The following POP1 variants were observed in gnomAD, a reference collection of about 807,000 sequenced individuals.
POP1 encodes the protein POP1 ribonuclease P/MRP subunit, also known as ribonucleases P/MRP protein subunit POP1.
Under a neutral mutation model 102.2 loss-of-function variants are expected in POP1, and 75 were observed. The ratio of observed to expected loss-of-function variants is 0.73; its 90% CI spans 0.61 to 0.89. The LOEUF (loss-of-function observed/expected upper bound fraction) is 0.89, where lower values mean the gene tolerates loss of function less well. Ranked by LOEUF, POP1 falls within the 40% of genes least tolerant of loss-of-function variation. POP1 has a pLI of 0.00. For synonymous variants in POP1, 436 were observed against 464.1 expected (o/e 0.94, Z 0.78); for missense variants, 1,116 against 1,267.4 (o/e 0.88, Z 1.81).
rs1282052163 is a variant in POP1 at position 98,158,003 on chromosome 8, C to T, written c.2807C>T (p.Pro936Leu). ...TCTGATGGCCCGGCGGGGGAAGAGC[C>T]CGTGGCTGGGCAGGAAGCTCTGACT... Reference protein sequence around the residue: ...ASSDGPAGEEPVAGQEALTLG... With the variant: ...ASSDGPAGEELVAGQEALTLG... Residue 936 changes from proline (P) to leucine (L), a missense_variant, in exon 16 of 16, where the codon CCC becomes CTC. Transcript: ENST00000401707. 1 of 1,612,610 alleles carries T rather than the reference C, an allele frequency of 6.2e-7. No individual in the cohort carries two copies. Among genetic ancestry groups the T allele is most frequent in the Admixed American group, 1.7e-5 (1 of 60,032 alleles).
intron 2 of POP1, among the ~76,000 whole-genome samples, chr8:98,126,847 C>T (rs1166285089): frequency 1.3e-5 from 2 of 152,100 alleles, no homozygotes; most frequent in African/African-American, 4.8e-5. Flanking sequence ...GTGTTCTATC[C>T]TCAAGATATC....
intron 1 of POP1, among the ~76,000 whole-genome samples, chr8:98,117,678 T>C (rs529685464): frequency 1.7e-3 from 260 of 152,240 alleles, no homozygotes; most frequent in Non-Finnish European, 3.1e-3. Context: ...ATGACTAATA[T>C]GGGTCATTCT....
At chr8:98,134,965 G>A (rs1036452270) in intron 7 of POP1, among the ~76,000 whole-genome samples, 3 of 152,094 alleles carry the variant, frequency 2.0e-5, no homozygotes, top group East Asian at 1.9e-4. Flanking sequence ...TTATATCCCC[G>A]GAACTTGTTT....
chr8:98,130,086 A>G lies in POP1; in HGVS notation c.595A>G (p.Asn199Asp), dbSNP rs770082699. Residue 199 changes from asparagine (N) to aspartate (D), a missense_variant, in exon 5 of 16, where the codon AAC (asparagine) becomes GAC (aspartate). Coordinates refer to ENST00000401707, the MANE Select transcript of POP1 (RefSeq NM_001145860.2). ...AGAATTTAACCGTAGACAAAAGAAG[A>G]ACATTTGGTTAGAAACTCACATCTG... ...TLEFNRRQKK[N>D]IWLETHIWHA... 6.2e-7 allele frequency: 1 copy of G among 1,614,196 alleles called. No homozygotes were observed.
chr8:98,156,229 C>T lies in POP1; in HGVS notation c.2237C>T (p.Ala746Val). The stretch of plus-strand genomic sequence containing the variant: ...CTAAGAAGATCTGAGGTGCCTTGTG[C>T]TCCCATGCCTAAAAAAACTCATCAG... ...SDLRRSEVPC[A>V]PMPKKTHQPS... Residue 746 changes from alanine (A) to valine (V), a missense_variant, in exon 15 of 16, where the codon GCT becomes GTT. Coordinates refer to ENST00000401707, the MANE Select transcript of POP1 (RefSeq NM_001145860.2). The T allele has an allele frequency of 6.2e-7, 1 of 1,614,058 alleles. No individual in the cohort carries two copies. Among genetic ancestry groups the T allele is most frequent in the Non-Finnish European group, 8.5e-7 (1 of 1,180,004 alleles).
In POP1 at chr8:98,140,209, G is replaced by C. The variant is rs1816666911; in HGVS notation, c.1474+20G>C. 6 of 1,606,858 alleles carry C rather than the reference G, an allele frequency of 3.7e-6. No homozygotes were observed. The highest frequency in any genetic ancestry group is 1.1e-5 in the South Asian group (1 of 90,850). The stretch of plus-strand genomic sequence containing the variant: ...TGGGAGGTATACAAAGGGAAGACTG[G>C]GTTGTGTTGGGGAGGGAAGGGGGCC... On this transcript the variant is annotated intron_variant, in intron 10 of 15. Transcript: ENST00000401707.
At chr8:98,152,857 C>T (rs990540011) in intron 14 of POP1, among the ~76,000 whole-genome samples, 6 of 152,138 alleles carry the variant, frequency 3.9e-5, no homozygotes, top group African/African-American at 1.4e-4. Context: ...CTCATTTATT[C>T]CTTCATTTAA....
chr8:98,140,878 A>C lies in POP1; in HGVS notation c.1584A>C (p.Glu528Asp). 6.2e-7 allele frequency: 1 copy of C among 1,614,004 alleles called. No homozygotes were observed. The highest frequency in any genetic ancestry group is 1.3e-5 in the African/African-American group (1 of 75,038). ...AGTCCAAAGCTTTGCCCAATCCAGA[A>C]AAATGCCAAGGTAAAGTTCCAAAAA... ...QKKSKALPNP[E>D]KCQDNEKVRQ... Residue 528 changes from glutamate (E) to aspartate (D), a missense_variant, in exon 11 of 16, where the codon GAA becomes GAC. Physicochemically the swap from Glu to Asp is conservative, Grantham distance 45. Coordinates refer to ENST00000401707, the MANE Select transcript of POP1 (RefSeq NM_001145860.2).
At position 98,130,376 on chromosome 8, in the gene POP1, G is replaced by A; in HGVS notation, c.735+150G>A. On this transcript the variant is annotated intron_variant, in intron 5 of 15. Transcript: ENST00000401707. ...AGCATGAAGCCCGGGTCCTTTGCCA[G>A]ATGCTGGAGATCAGGCAGCCTAAAG... is the stretch of plus-strand genomic sequence containing the variant. 4 of 1,128,908 alleles carry A rather than the reference G, an allele frequency of 3.5e-6. No individual in the cohort carries two copies. In the Admixed American group the frequency reaches 8.6e-5, roughly 24 times the overall value. The allele number at this position is 1,128,908 out of a possible 1,614,324, so 69.9% of individuals were successfully genotyped here. A position where few individuals can be genotyped will look rare whatever the true frequency, so the allele number is the denominator to read the frequency against.
At chr8:98,123,648 G>A (rs1370375250) in intron 2 of POP1, among the ~76,000 whole-genome samples, 169 bp downstream of exon 2, 6 of 152,008 alleles carry the variant, frequency 3.9e-5, no homozygotes, top group Non-Finnish European at 5.9e-5. Context: ...GTGGTGGCGC[G>A]TGCCTGTAGT....
intron 9 of POP1, among the ~76,000 whole-genome samples, chr8:98,139,483 G>A (rs1816645065): frequency 6.6e-6 from 1 of 152,170 alleles, no homozygotes; most frequent in Admixed American, 6.5e-5. Context: ...CTCTTTGGGA[G>A]GCTGAGGTGG....
chr8:98,136,787 C>A, intron 8 of POP1, 49 bp downstream of exon 8: 2 of 1,610,070 alleles, frequency 1.2e-6, no homozygotes, highest in Non-Finnish European at 1.7e-6. Context: ...CAGTGAAGAC[C>A]TGCTCCATTT....
chr8:98,159,409 A>G lies in POP1; in HGVS notation c.*1138A>G, dbSNP rs1253533309. ...AAAGGAAGGTCTCATCTTGCCTCAC[A>G]GGAAGAGTGGGCTCAGTGTGGCTTT... On this transcript the variant is annotated 3_prime_UTR_variant, in exon 16 of 16. Transcript: ENST00000401707. The G allele has an allele frequency of 6.6e-6, 1 of 152,238 alleles. No homozygotes were observed. Among genetic ancestry groups the G allele is most frequent in the Non-Finnish European group, 1.5e-5 (1 of 68,042 alleles). The allele number at this position is 152,238 out of a possible 1,614,324, so 9.4% of individuals were successfully genotyped here. A position where few individuals can be genotyped will look rare whatever the true frequency, so the allele number is the denominator to read the frequency against.
At chr8:98,134,727 C>T in intron 7 of POP1, 68 bp downstream of exon 7, 1 of 1,450,632 alleles carries the variant, frequency 6.9e-7, no homozygotes, top group Non-Finnish European at 9.7e-7. Context: ...GAAGTCAATA[C>T]TGTAGAAATG....
chr8:98,134,459 T>C lies in POP1; in HGVS notation c.824-13T>C. The stretch of plus-strand genomic sequence containing the variant: ...CACCCGGAATTATGGAATTTTGCTT[T>C]TGTTGATGTCAGGGCTGACGTTTGC... On this transcript the variant is annotated splice_polypyrimidine_tract_variant and intron_variant, in intron 6 of 15. Coordinates refer to ENST00000401707, the MANE Select transcript of POP1 (RefSeq NM_001145860.2). 2 of 1,613,856 alleles carry C rather than the reference T, an allele frequency of 1.2e-6. No homozygotes were observed. The highest frequency in any genetic ancestry group is 8.5e-7 in the Non-Finnish European group (1 of 1,179,972).
At chr8:98,124,285 G>C (rs1217410067) in intron 2 of POP1, among the ~76,000 whole-genome samples, 4 of 152,184 alleles carry the variant, frequency 2.6e-5, no homozygotes, top group African/African-American at 9.7e-5. Context: ...AATATGGCCA[G>C]GGGCGGTGGC....
chr8:98,129,003 A>G (rs1057011880), intron 4 of POP1, among the ~76,000 whole-genome samples: 2 of 152,108 alleles, frequency 1.3e-5, no homozygotes, highest in Admixed American at 6.5e-5. Context: ...TCATTATCCA[A>G]ACTTCTTCCC....
At chr8:98,149,780 A>G (rs1214050119) in intron 13 of POP1, among the ~76,000 whole-genome samples, 24 of 148,512 alleles carry the variant, frequency 1.6e-4, no homozygotes. Context: ...AATAAAATAA[A>G]TAAGTAAATA....
intron 14 of POP1, 120 bp downstream of exon 14, chr8:98,150,759 G>C: frequency 1.1e-6 from 1 of 924,914 alleles, no homozygotes; most frequent in South Asian, 1.5e-5. Context: ...AGTGAGTTCA[G>C]CATTACTGAG....
Sources: allele counts gnomAD v4.1 joint callset (sites outside exome capture counted in the v4.1 genomes callset), GRCh38; gene constraint gnomAD v4.1.1; transcripts MANE v1.5; gene names NCBI Gene and HGNC (gene_info 2026-07-23, HGNC 2026-07-21).